The following WWP2 variants were observed in gnomAD, a reference collection of about 807,000 sequenced individuals.
WWP2 encodes the protein WW domain containing E3 ubiquitin protein ligase 2.
In WWP2, 57 loss-of-function variants were observed where a neutral mutation model predicts 121.0. The ratio of observed to expected loss-of-function variants is 0.47; its 90% CI spans 0.38 to 0.59. The LOEUF is 0.59. WWP2 is among the 20% of genes least tolerant of loss of function. WWP2 has a pLI of 0.00. For synonymous variants in WWP2, 449 were observed against 441.3 expected, an observed-to-expected ratio of 1.02 and a Z score of -0.22; for missense variants, 962 against 1,158.9, an observed-to-expected ratio of 0.83 and a Z score of 2.47.
intron 2 of WWP2, among the ~76,000 whole-genome samples, chr16:69,790,439 TGAG>T (rs2055884916): frequency 6.6e-6 from 1 of 152,100 alleles, no homozygotes; most frequent in Non-Finnish European, 1.5e-5. Flanking sequence ...GTTGAGTAGC[TGAG>T]GAGGAGGAGG....
chr16:69,839,199 A>G (rs2056930769), intron 4 of WWP2, among the ~76,000 whole-genome samples: 1 of 152,108 alleles, frequency 6.6e-6, no homozygotes, highest in East Asian at 1.9e-4. Flanking sequence ...TGGTTTTGTA[A>G]GGTGTGGAGT....
At chr16:69,918,845 C>CT (rs113707256) in intron 10 of WWP2, among the ~76,000 whole-genome samples, 10,233 of 139,510 alleles carry the variant, frequency 0.073, 500 homozygotes, top group African/African-American at 0.11. Flanking sequence ...CCTTTTCTTT[C>CT]TTTTTTTTTT....
chr16:69,798,867 G>A (rs1162988966), intron 3 of WWP2, 38 bp downstream of exon 3: 1 of 1,607,870 alleles, frequency 6.2e-7, no homozygotes, highest in Non-Finnish European at 8.5e-7. Flanking sequence ...GCAGCAAGAT[G>A]GGGAAAGAGA....
intron 8 of WWP2, among the ~76,000 whole-genome samples, chr16:69,907,872 A>G (rs2058317862): frequency 6.6e-6 from 1 of 152,216 alleles, no homozygotes; most frequent in African/African-American, 2.4e-5. Context: ...ATACTCTGTA[A>G]ATGAATCTTA....
intron 8 of WWP2, among the ~76,000 whole-genome samples, chr16:69,905,655 C>G (rs1166792111): frequency 6.6e-6 from 1 of 152,214 alleles, no homozygotes; most frequent in East Asian, 1.9e-4. Context: ...GGCTACTCAA[C>G]CTGTATAATT....
intron 9 of WWP2, among the ~76,000 whole-genome samples, chr16:69,913,127 C>A (rs113470921): frequency 6.9e-6 from 1 of 145,096 alleles, no homozygotes; most frequent in Non-Finnish European, 1.5e-5. Context: ...CAGGTTCAAG[C>A]GATTCTCCTG....
intron 2 of WWP2, among the ~76,000 whole-genome samples, chr16:69,798,480 A>ATGT (rs1394606770): frequency 0.014 from 1,970 of 138,666 alleles, 37 homozygotes; most frequent in African/African-American, 0.046. Context: ...CAGGTTAGGG[A>ATGT]TTTTTTTTTT....
intron 4 of WWP2, among the ~76,000 whole-genome samples, chr16:69,830,133 T>C (rs1171858237): frequency 6.6e-6 from 1 of 152,182 alleles, no homozygotes; most frequent in Non-Finnish European, 1.5e-5. Flanking sequence ...TTTTGTATTT[T>C]TAGTAGAGAT....
intron 9 of WWP2, among the ~76,000 whole-genome samples, chr16:69,915,434 C>A (rs551924734): frequency 6.6e-6 from 1 of 152,242 alleles, no homozygotes; most frequent in South Asian, 2.1e-4. Flanking sequence ...AATAATGAGC[C>A]AGGCTTGGTG....
intron 4 of WWP2, among the ~76,000 whole-genome samples, chr16:69,814,269 T>A (rs991571401): frequency 7.2e-5 from 11 of 152,024 alleles, no homozygotes; most frequent in Non-Finnish European, 1.5e-4. Flanking sequence ...CAAGCGATCC[T>A]CTTGCCTCAG....
intron 8 of WWP2, among the ~76,000 whole-genome samples, chr16:69,891,069 G>C (rs2058018645): frequency 6.6e-6 from 1 of 152,124 alleles, no homozygotes; most frequent in South Asian, 2.1e-4. Context: ...TCTGTGGGCT[G>C]ACTCGGGGCC....
rs748356463 is a variant in WWP2 at position 69,936,412 on chromosome 16, A to T, written c.2077A>T (p.Ser693Cys). 1 of 1,614,082 alleles carries T rather than the reference A, an allele frequency of 6.2e-7. No homozygotes were observed. The highest frequency in any genetic ancestry group is 8.5e-7 in the Non-Finnish European group (1 of 1,180,024). Reference sequence around the variant, plus strand: ...CCACGAGCTGAAGGAGGGCGGCGAGAGCATCCGGGTCACAGAGGAGAACAA... The same window carrying T: ...CCACGAGCTGAAGGAGGGCGGCGAGTGCATCCGGGTCACAGAGGAGAACAA... The part of the protein sequence containing the change: ...TTHELKEGGE[S>C]IRVTEENKEE... Residue 693 changes from serine (S) to cysteine (C), a missense_variant, in exon 19 of 24, where the codon AGC (serine) becomes TGC (cysteine). By Grantham distance (112) the Ser-to-Cys change is moderately radical (BLOSUM62 -1). Coordinates refer to ENST00000359154, the MANE Select transcript of WWP2 (RefSeq NM_001270454.2).
rs1011558920 is a variant in WWP2, at chr16:69,937,002, C to T, written c.2118-116C>T. The T allele has an allele frequency of 8.6e-6, 12 of 1,398,944 alleles. No homozygotes were observed. In the African/African-American group the frequency reaches 8.6e-5, roughly 10 times the overall value. 86.7% of individuals were successfully genotyped at this position (1,398,944 alleles called of 1,614,324 possible). Reference sequence around the variant, plus strand: ...CTCCAGCAGGCTGGGTCTGGGTGTGCGAAGTGGGCTCTGCTGATCTGGTGG... The same window carrying T: ...CTCCAGCAGGCTGGGTCTGGGTGTGTGAAGTGGGCTCTGCTGATCTGGTGG... On this transcript the variant is annotated intron_variant, in intron 19 of 23. Coordinates refer to ENST00000359154, the MANE Select transcript of WWP2 (RefSeq NM_001270454.2). This position sits in a 1 kb window ranked among gnomAD's most constrained non-coding sequence, Gnocchi z 6.6.
intron 8 of WWP2, among the ~76,000 whole-genome samples, chr16:69,894,702 T>C (rs2058081750): frequency 6.6e-6 from 1 of 152,232 alleles, no homozygotes; most frequent in Non-Finnish European, 1.5e-5. Flanking sequence ...GAGGCTGCTT[T>C]GGTCTGCAGG....
At position 69,866,270 on chromosome 16, in the gene WWP2, TTTTATTTATTTATTTATTTATTTA is replaced by T. The variant is rs56801798; in HGVS notation, c.576-5508_576-5485del. Reference sequence around the variant, plus strand: ...ATGCTTTTTAAAAAAAGGTTTCACATTTTATTTATTTATTTATTTATTTATTTATTTATTTATTTATTTATTTAT... The same window carrying T: ...ATGCTTTTTAAAAAAAGGTTTCACATTTTATTTATTTATTTATTTATTTAT... On this transcript the variant is annotated intron_variant, in intron 6 of 23. Coordinates refer to ENST00000359154, the MANE Select transcript of WWP2 (RefSeq NM_001270454.2). 1.8e-3 allele frequency among the ~76,000 whole-genome samples: 267 copies of T among 147,964 alleles called. 1 individual carries two copies. The highest frequency in any genetic ancestry group is 6.3e-3 in the African/African-American group (253 of 40,284).
chr16:69,797,261 G>T (rs1189491866), intron 2 of WWP2, among the ~76,000 whole-genome samples: 1 of 152,194 alleles, frequency 6.6e-6, no homozygotes, highest in Non-Finnish European at 1.5e-5. Flanking sequence ...AAGAAATGTA[G>T]ATGACTAACG....
chr16:69,892,639 TCCTC>T (rs2058047670), intron 8 of WWP2, among the ~76,000 whole-genome samples: 1 of 152,188 alleles, frequency 6.6e-6, no homozygotes, highest in African/African-American at 2.4e-5. Context: ...GCTCAAGTGA[TCCTC>T]CCACCTCAGC....
chr16:69,810,528 C>A (rs567949867), intron 4 of WWP2, among the ~76,000 whole-genome samples: 22 of 148,858 alleles, frequency 1.5e-4, no homozygotes, highest in Non-Finnish European at 2.5e-4. Context: ...CCTGGGTTCA[C>A]GCCATTCTCC....
intron 9 of WWP2, among the ~76,000 whole-genome samples, chr16:69,916,716 G>T (rs62053260): frequency 3.5e-4 from 54 of 152,262 alleles, no homozygotes; most frequent in Non-Finnish European, 5.7e-4. Flanking sequence ...GGTGTGGGGA[G>T]AGAGCTGTGG....
Sources: gnomAD v4.1 joint callset for allele counts (sites outside exome capture counted in the v4.1 genomes callset) on GRCh38, gnomAD v4.1.1 for gene constraint, Gnocchi (gnomAD v3.1) non-coding constraint, MANE v1.5 for transcripts, NCBI Gene and HGNC (gene_info 2026-07-23, HGNC 2026-07-21) for gene names.